Variants in PDLIM5 observed in about 807,000 individuals in gnomAD.
PDLIM5 encodes PDZ and LIM domain protein 5.
In PDLIM5, 34 loss-of-function variants were observed where a neutral mutation model predicts 64.2. The observed-to-expected ratio is 0.53, with a 90% confidence interval of 0.40 to 0.71. The LOEUF (loss-of-function observed/expected upper bound fraction) is 0.71, where lower values mean the gene tolerates loss of function less well. Among genes scored for constraint, PDLIM5 ranks in the 30% least tolerant of loss-of-function variants. PDLIM5 has a pLI of 0.00. For missense variants in PDLIM5, 683 were observed against 733.6 expected (o/e 0.93, Z 0.80); for synonymous variants, 253 against 269.1 (o/e 0.94, Z 0.59).
At chr4:94,598,023 T>C (rs1397901680) in intron 7 of PDLIM5, among the ~76,000 whole-genome samples, 2 of 152,276 alleles carry the variant, frequency 1.3e-5, no homozygotes, top group East Asian at 3.9e-4. Flanking sequence ...TTCCTTTGAA[T>C]TTAATAATGA....
At chr4:94,468,115 C>G (rs536859643) in intron 2 of PDLIM5, among the ~76,000 whole-genome samples, 1 of 151,992 alleles carries the variant, frequency 6.6e-6, no homozygotes, top group East Asian at 1.9e-4. Context: ...AGAAGCTGTT[C>G]TGAGCAATGA....
intron 3 of PDLIM5, among the ~76,000 whole-genome samples, chr4:94,557,404 C>A (rs1733444295): frequency 6.6e-6 from 1 of 152,106 alleles, no homozygotes; most frequent in Non-Finnish European, 1.5e-5. Flanking sequence ...TTTTTGGCTC[C>A]ATATGAACTT....
At chr4:94,493,804 G>A (rs1309541147) in intron 2 of PDLIM5, among the ~76,000 whole-genome samples, 2 of 152,132 alleles carry the variant, frequency 1.3e-5, no homozygotes, top group Non-Finnish European at 2.9e-5. Flanking sequence ...TCAGAAAAAT[G>A]TTTAGAAGTG....
At chr4:94,457,144 T>C in intron 2 of PDLIM5, 2 of 953,390 alleles carry the variant, frequency 2.1e-6, no homozygotes, top group Non-Finnish European at 1.2e-6. Flanking sequence ...AAAATAAGTT[T>C]GTAACGCCTA....
At chr4:94,496,796 A>G (rs1727441098) in intron 2 of PDLIM5, among the ~76,000 whole-genome samples, 1 of 152,232 alleles carries the variant, frequency 6.6e-6, no homozygotes, top group Non-Finnish European at 1.5e-5. Context: ...CCCAGCCCAG[A>G]TGCACATTTG....
intron 8 of PDLIM5, among the ~76,000 whole-genome samples, chr4:94,633,798 A>G (rs1320575456): frequency 6.6e-6 from 1 of 152,202 alleles, no homozygotes; most frequent in Admixed American, 6.5e-5. Flanking sequence ...GCTGAGGAAT[A>G]TTGGAACTGC....
intron 2 of PDLIM5, among the ~76,000 whole-genome samples, chr4:94,523,256 G>T (rs2510785): frequency 0.22 from 34,172 of 152,130 alleles, 3,965 homozygotes; most frequent in East Asian, 0.28. Flanking sequence ...CAACAGGAAG[G>T]ATTGTTTAGC....
At chr4:94,582,683 G>A (rs185878721) in intron 5 of PDLIM5, 114 of 1,502,404 alleles carry the variant, frequency 7.6e-5, no homozygotes, top group East Asian at 1.1e-4. Flanking sequence ...CTACTCTATC[G>A]CATCTTTTTT....
intron 9 of PDLIM5, among the ~76,000 whole-genome samples, chr4:94,652,984 T>G (rs1190324638): frequency 1.3e-5 from 2 of 152,172 alleles, no homozygotes; most frequent in Non-Finnish European, 2.9e-5. Flanking sequence ...GAGATAGTTA[T>G]TGAATAGCAA....
At chr4:94,524,074 G>A (rs1578304747) in intron 3 of PDLIM5, among the ~76,000 whole-genome samples, 199 bp downstream of exon 3, 1 of 152,002 alleles carries the variant, frequency 6.6e-6, no homozygotes, top group South Asian at 2.1e-4. Context: ...CCCATCAAAA[G>A]GCATGTATTC....
intron 1 of PDLIM5, among the ~76,000 whole-genome samples, chr4:94,454,717 T>C (rs1485233913): frequency 6.6e-6 from 1 of 152,218 alleles, no homozygotes; most frequent in African/African-American, 2.4e-5. Context: ...GTTTTGTGCA[T>C]TGAAAAACAG....
intron 8 of PDLIM5, among the ~76,000 whole-genome samples, chr4:94,637,994 C>A (rs905377548): frequency 5.9e-5 from 9 of 152,248 alleles, no homozygotes; most frequent in East Asian, 1.9e-4. Flanking sequence ...TGGGGACTAA[C>A]CCTTGGGGAC....
intron 7 of PDLIM5, among the ~76,000 whole-genome samples, chr4:94,615,162 G>A (rs888357822): frequency 1.4e-4 from 21 of 152,042 alleles, no homozygotes; most frequent in Non-Finnish European, 2.9e-4. Flanking sequence ...TTACAGGTGA[G>A]GAAATTTACC....
At chr4:94,605,257 A>T (rs1298799557) in intron 7 of PDLIM5, among the ~76,000 whole-genome samples, 1 of 152,158 alleles carries the variant, frequency 6.6e-6, no homozygotes, top group Non-Finnish European at 1.5e-5. Flanking sequence ...GTCCTACAGG[A>T]TGGTAAGGAT....
chr4:94,608,017 A>G (rs573081388), intron 7 of PDLIM5: 5 of 1,402,066 alleles, frequency 3.6e-6, no homozygotes, highest in Admixed American at 4.3e-5. Context: ...ACTTTTCATT[A>G]ATATTTCCTT....
chr4:94,657,497 T>C lies in PDLIM5; in HGVS notation c.1535T>C (p.Ile512Thr). The change falls in exon 11 of 13, where the codon ATT (isoleucine) becomes ACT (threonine). Residue 512 changes from isoleucine (I) to threonine (T), a missense_variant. Ile to Thr is a moderately conservative substitution (Grantham distance 89, BLOSUM62 -1). Coordinates refer to ENST00000317968, the MANE Select transcript of PDLIM5 (RefSeq NM_006457.5). The part of the protein sequence containing the change: ...CFVCVACGKP[I>T]RNNVFHLEDG... Reference sequence around the variant, plus strand: ...GTGTGTGTAGCCTGTGGAAAGCCCATTCGGAACAATGTTTTTCACTTGGAG... The same window carrying C: ...GTGTGTGTAGCCTGTGGAAAGCCCACTCGGAACAATGTTTTTCACTTGGAG... 6.2e-7 allele frequency: 1 copy of C among 1,610,102 alleles called. No individual in the cohort carries two copies. Among genetic ancestry groups the C allele is most frequent in the Non-Finnish European group, 8.5e-7 (1 of 1,176,394 alleles).
At chr4:94,592,689 G>A (rs1292611082) in intron 7 of PDLIM5, among the ~76,000 whole-genome samples, 2 of 151,994 alleles carry the variant, frequency 1.3e-5, no homozygotes, top group African/African-American at 2.4e-5. Context: ...GTGCAGTGGC[G>A]CCATCATGGC....
At position 94,455,350 on chromosome 4, in the gene PDLIM5, G is replaced by A; in HGVS notation, c.62G>A (p.Gly21Asp). ...PAPWGFRLQGGKDFNMPLTIS... is the reference protein window; with the variant it reads ...PAPWGFRLQGDKDFNMPLTIS... ...CCTTGGGGTTTCCGGCTGCAGGGCGGTAAGGATTTCAACATGCCTCTGACA... is the reference window on the plus strand; with the variant it reads ...CCTTGGGGTTTCCGGCTGCAGGGCGATAAGGATTTCAACATGCCTCTGACA... Residue 21 changes from glycine to aspartate, a missense_variant, in exon 2 of 13, where the codon GGT (glycine) becomes GAT (aspartate). By Grantham distance (94) the Gly-to-Asp change is moderately conservative. Transcript: ENST00000317968. 1.2e-6 allele frequency: 2 copies of A among 1,613,230 alleles called. No homozygotes were observed. The highest frequency in any genetic ancestry group is 1.7e-6 in the Non-Finnish European group (2 of 1,179,148).
chr4:94,660,041 A>G (rs1310559197), intron 11 of PDLIM5, among the ~76,000 whole-genome samples: 1 of 150,526 alleles, frequency 6.6e-6, no homozygotes, highest in Non-Finnish European at 1.5e-5. Flanking sequence ...GATTACAGGC[A>G]CCTGTCACCA....
Sources: gnomAD v4.1 joint callset for allele counts (sites outside exome capture counted in the v4.1 genomes callset) on GRCh38, gnomAD v4.1.1 for gene constraint, MANE v1.5 for transcripts, NCBI Gene and HGNC (gene_info 2026-07-23, HGNC 2026-07-21) for gene names.